Variants in VOPP1 observed in about 807,000 individuals in gnomAD.
VOPP1 encodes the protein WW domain binding protein VOPP1.
VOPP1 carries 8 observed loss-of-function variants against 23.5 expected under a neutral mutation model. The ratio of observed to expected loss-of-function variants is 0.34; its 90% CI spans 0.20 to 0.61. The LOEUF (loss-of-function observed/expected upper bound fraction) is 0.61, where lower values mean the gene tolerates loss of function less well. Among genes scored for constraint, VOPP1 ranks in the 20% least tolerant of loss-of-function variants. VOPP1 has a pLI of 0.78. For missense variants in VOPP1, 174 were observed against 238.1 expected (o/e 0.73, Z 1.77); for synonymous variants, 83 against 97.3 (o/e 0.85, Z 0.86).
rs1283307861 is a variant in VOPP1, at chr7:55,521,896, A to G, written c.55-766T>C. 4 of 985,572 alleles carry G rather than the reference A, an allele frequency of 4.1e-6. No individual in the cohort carries two copies. In the African/African-American group the frequency reaches 7.0e-5, roughly 17 times the overall value. The allele number at this position is 985,572 out of a possible 1,614,324, so 61.1% of individuals were successfully genotyped here. Reference sequence around the variant, plus strand: ...GCAGAGATGCTCTTCCCATCTGAACAAGGCTTTTCTAAAATTATTCCATTC... The same window carrying G: ...GCAGAGATGCTCTTCCCATCTGAACGAGGCTTTTCTAAAATTATTCCATTC... On this transcript the variant is annotated intron_variant, in intron 1 of 4. Coordinates refer to ENST00000285279, the MANE Select transcript of VOPP1 (RefSeq NM_030796.5).
At chr7:55,492,197 T>C in intron 4 of VOPP1, 85 bp downstream of exon 4, 1 of 1,485,434 alleles carries the variant, frequency 6.7e-7, no homozygotes, top group Non-Finnish European at 9.0e-7. Context: ...CTTCTGGCAG[T>C]ACCCTTTCTG....
intron 1 of VOPP1, among the ~76,000 whole-genome samples, chr7:55,530,196 C>T (rs983845135): frequency 2.6e-5 from 4 of 152,160 alleles, no homozygotes; most frequent in Non-Finnish European, 4.4e-5. Context: ...AGCTGCACTA[C>T]TTTACATTCC....
chr7:55,519,544 T>C (rs76380454), intron 2 of VOPP1, among the ~76,000 whole-genome samples: 1,670 of 148,438 alleles, frequency 0.011, 11 homozygotes, highest in Middle Eastern at 0.02. Context: ...AAATTCATTA[T>C]GCTGAGAAGA....
At chr7:55,435,377 G>A (rs1790798912), downstream of VOPP1, among the ~76,000 whole-genome samples, 1 of 152,210 alleles carries the variant, frequency 6.6e-6, no homozygotes. Context: ...GGCGGACATG[G>A]CAGCAGGATT....
At chr7:55,515,422 G>A (rs1169087713) in intron 2 of VOPP1, among the ~76,000 whole-genome samples, 6 of 152,138 alleles carry the variant, frequency 3.9e-5, no homozygotes, top group Non-Finnish European at 8.8e-5. Flanking sequence ...TAAAATCAGC[G>A]GACCCATCAG....
At chr7:55,538,296 T>A (rs967009055) in intron 1 of VOPP1, among the ~76,000 whole-genome samples, 7 of 152,318 alleles carry the variant, frequency 4.6e-5, no homozygotes, top group Admixed American at 3.9e-4. Context: ...TGAGCTACAC[T>A]CTCTGGTCCT....
chr7:55,558,880 C>T (rs1022301240), intron 1 of VOPP1, among the ~76,000 whole-genome samples: 3 of 152,162 alleles, frequency 2.0e-5, no homozygotes, highest in Admixed American at 6.5e-5. Context: ...GCAATAATAA[C>T]GCAGAGTTGC....
At chr7:55,541,263 T>A (rs1167143100) in intron 1 of VOPP1, among the ~76,000 whole-genome samples, 3 of 152,204 alleles carry the variant, frequency 2.0e-5, no homozygotes, top group Non-Finnish European at 4.4e-5. Flanking sequence ...ATACTTAAAT[T>A]CTATCTTAAT....
intron 3 of VOPP1, among the ~76,000 whole-genome samples, chr7:55,492,673 T>C (rs985836711): frequency 2.0e-5 from 3 of 152,198 alleles, no homozygotes; most frequent in African/African-American, 2.4e-5. Context: ...GGACAGCCCC[T>C]GGTGAGGCCA....
intron 2 of VOPP1, among the ~76,000 whole-genome samples, chr7:55,511,781 T>C (rs1231968995): frequency 5.9e-5 from 9 of 152,238 alleles, no homozygotes; most frequent in Admixed American, 3.3e-4. Context: ...CTTACATATA[T>C]TGATGATATC....
At chr7:55,562,795 G>T (rs1798031852) in intron 1 of VOPP1, among the ~76,000 whole-genome samples, 2 of 152,314 alleles carry the variant, frequency 1.3e-5, no homozygotes, top group South Asian at 4.1e-4. Flanking sequence ...CTAGTGAGAA[G>T]AGGGCTCAGA....
At chr7:55,475,789 G>A (rs76085761) in intron 4 of VOPP1, among the ~76,000 whole-genome samples, 1,785 of 152,330 alleles carry the variant, frequency 0.012, 13 homozygotes, top group Admixed American at 0.021. Flanking sequence ...AAGGAGAGGT[G>A]AGTAAAACCA....
chr7:55,506,827 C>T (rs1583958639), intron 2 of VOPP1, among the ~76,000 whole-genome samples: 1 of 152,142 alleles, frequency 6.6e-6, no homozygotes, highest in East Asian at 1.9e-4. Flanking sequence ...TTAGTAGAGA[C>T]GGGGTTTACC....
intron 4 of VOPP1, among the ~76,000 whole-genome samples, chr7:55,438,883 T>G (rs1366228051): frequency 6.6e-6 from 1 of 152,116 alleles, no homozygotes; most frequent in African/African-American, 2.4e-5. Flanking sequence ...TAGACAGATC[T>G]TGAGCTGGAG....
Position 55,537,691 on chromosome 7 carries a change from A to G in VOPP1, c.55-16561T>C, listed in dbSNP as rs1796881900. 3.4e-6 allele frequency: 5 copies of G among 1,459,552 alleles called. No individual in the cohort carries two copies. The Admixed American group carries it at 7.1e-5, about 21-fold the overall frequency. The allele number at this position is 1,459,552 out of a possible 1,614,324, so 90.4% of individuals were successfully genotyped here. On this transcript the variant is annotated intron_variant, in intron 1 of 4. Transcript: ENST00000285279. ...TCCTCCTCTGTTGAGTGGTGAGAAC[A>G]TCTACCATGGAGGACGCTACAAGGA...
At chr7:55,475,673 G>A (rs375237726) in intron 4 of VOPP1, among the ~76,000 whole-genome samples, 2 of 152,230 alleles carry the variant, frequency 1.3e-5, no homozygotes, top group South Asian at 4.1e-4. Context: ...GAGCCCTTCA[G>A]TTCTGGTTTG....
intron 1 of VOPP1, among the ~76,000 whole-genome samples, chr7:55,552,411 T>G (rs1797646806): frequency 6.6e-6 from 1 of 152,210 alleles, no homozygotes; most frequent in Non-Finnish European, 1.5e-5. Context: ...ATCAAATGGC[T>G]GCCTCTATCA....
At chr7:55,529,905 T>C (rs918240571) in intron 1 of VOPP1, among the ~76,000 whole-genome samples, 4 of 152,242 alleles carry the variant, frequency 2.6e-5, no homozygotes, top group Admixed American at 6.5e-5. Flanking sequence ...TTTCTAGTGT[T>C]GAACAATATT....
At chr7:55,438,120 C>G (rs1790876479) in intron 4 of VOPP1, among the ~76,000 whole-genome samples, 1 of 152,048 alleles carries the variant, frequency 6.6e-6, no homozygotes, top group Admixed American at 6.6e-5. Flanking sequence ...CCAGGCTGAT[C>G]TTGAACTCAG....
Sources: allele counts gnomAD v4.1 joint callset (sites outside exome capture counted in the v4.1 genomes callset), GRCh38; gene constraint gnomAD v4.1.1; transcripts MANE v1.5; gene names NCBI Gene and HGNC (gene_info 2026-07-23, HGNC 2026-07-21).